The following NFIA variants were observed in gnomAD, a reference collection of about 807,000 sequenced individuals.
NFIA encodes the protein nuclear factor I A.
In NFIA, 8 loss-of-function variants were observed where a neutral mutation model predicts 62.8. The observed-to-expected ratio is 0.13, with a 90% CI of 0.07 to 0.23. NFIA has a LOEUF of 0.23. Among genes scored for constraint, NFIA ranks in the 10% least tolerant of loss-of-function variants. The pLI is 1.00. For missense variants in NFIA, 410 were observed against 642.1 expected, an observed-to-expected ratio of 0.64 and a Z score of 3.91; for synonymous variants, 235 against 238.1, an observed-to-expected ratio of 0.99 and a Z score of 0.12.
chr1:61,188,882 C>T (rs1354305525), intron 2 of NFIA, among the ~76,000 whole-genome samples: 2 of 152,120 alleles, frequency 1.3e-5, no homozygotes, highest in African/African-American at 2.4e-5. Flanking sequence ...TGTCCGATTC[C>T]ATCTGGGTCA....
intron 10 of NFIA, among the ~76,000 whole-genome samples, chr1:61,438,218 G>A (rs1165456127): frequency 6.6e-6 from 1 of 152,162 alleles, no homozygotes; most frequent in Admixed American, 6.5e-5. Flanking sequence ...CTGACCCTCA[G>A]ATGTCACATC....
chr1:61,319,348 A>G (rs1025917521), intron 3 of NFIA, among the ~76,000 whole-genome samples: 12 of 152,204 alleles, frequency 7.9e-5, no homozygotes, highest in African/African-American at 2.9e-4. Flanking sequence ...GGAATCTTCC[A>G]TTACATCTCA....
intron 3 of NFIA, among the ~76,000 whole-genome samples, chr1:61,329,804 A>G (rs1004107347): frequency 6.6e-6 from 1 of 152,158 alleles, no homozygotes; most frequent in African/African-American, 2.4e-5. Context: ...AACTCATCAG[A>G]TTTGCATATC....
intron 10 of NFIA, among the ~76,000 whole-genome samples, chr1:61,443,248 C>G (rs990656342): frequency 6.6e-6 from 1 of 152,126 alleles, no homozygotes; most frequent in African/African-American, 2.4e-5. Context: ...CCCCTTCCCC[C>G]ACCCCAACAA....
In NFIA at chr1:61,456,671, T is replaced by C. The variant is rs1668314587; in HGVS notation, c.*1351T>C. 7.0e-6 allele frequency: 1 copy of C among 142,830 alleles called. No individual in the cohort carries two copies. Among genetic ancestry groups the C allele is most frequent in the African/African-American group, 2.7e-5 (1 of 37,726 alleles). 8.8% of individuals were successfully genotyped at this position (142,830 alleles called of 1,614,324 possible). On this transcript the variant is annotated 3_prime_UTR_variant, in exon 11 of 11. Coordinates refer to ENST00000403491, the MANE Select transcript of NFIA (RefSeq NM_001134673.4). ...ACTGGGCTATGGGAAATAATAATAGTAATAATAATAATAATAATAATGATG... is the reference window on the plus strand; with the variant it reads ...ACTGGGCTATGGGAAATAATAATAGCAATAATAATAATAATAATAATGATG...
At chr1:61,090,375 T>C (rs931245605) in intron 2 of NFIA, among the ~76,000 whole-genome samples, 1 of 152,236 alleles carries the variant, frequency 6.6e-6, no homozygotes, top group African/African-American at 2.4e-5. Context: ...ATGCAGATCA[T>C]GATGTGTGCT....
intron 2 of NFIA, among the ~76,000 whole-genome samples, chr1:61,193,245 G>A (rs1198622291): frequency 6.6e-6 from 1 of 152,236 alleles, no homozygotes; most frequent in Non-Finnish European, 1.5e-5. Context: ...ATTCAGAATA[G>A]TTGAGTATAA....
intron 2 of NFIA, among the ~76,000 whole-genome samples, chr1:61,138,406 C>G (rs1225838881): frequency 6.6e-6 from 1 of 152,064 alleles, no homozygotes; most frequent in Non-Finnish European, 1.5e-5. Context: ...AAGTTATTTT[C>G]AAAATACAGT....
At position 61,417,697 on chromosome 1, in the gene NFIA, C is replaced by T. The variant is rs541222387; in HGVS notation, c.1421-8768C>T. Among the ~76,000 whole-genome samples the T allele has an allele frequency of 5.3e-5, 8 of 152,146 alleles. No homozygotes were observed. The South Asian group carries it at 1.2e-3, about 24-fold the overall frequency. The stretch of plus-strand genomic sequence containing the variant: ...GTTATCTTTTTTAATTGTTGGAAGG[C>T]AAATGTGTTGGGGATATAATGTCCC... On this transcript the variant is annotated intron_variant, in intron 9 of 10. Coordinates refer to ENST00000403491, the MANE Select transcript of NFIA (RefSeq NM_001134673.4).
chr1:61,175,126 TTGATTATTATTA>T (rs954434335), intron 2 of NFIA, among the ~76,000 whole-genome samples: 14 of 40,920 alleles, frequency 3.4e-4, no homozygotes, highest in African/African-American at 1.7e-3. Flanking sequence ...CTTTTCTGTA[TTGATTATTATTA>T]TTATTATTAT....
chr1:61,216,572 T>A (rs1022448632), intron 2 of NFIA, among the ~76,000 whole-genome samples: 11 of 152,212 alleles, frequency 7.2e-5, no homozygotes, highest in African/African-American at 2.7e-4. Context: ...CAAAACATGA[T>A]TGATTGCTCA....
intron 4 of NFIA, among the ~76,000 whole-genome samples, chr1:61,348,789 GCT>G (rs1396178572): frequency 6.6e-6 from 1 of 152,158 alleles, no homozygotes; most frequent in African/African-American, 2.4e-5. Context: ...TTCACACTTT[GCT>G]CTGTGTTCCT....
chr1:61,408,827 G>A (rs1028756671), intron 9 of NFIA, among the ~76,000 whole-genome samples: 3 of 152,202 alleles, frequency 2.0e-5, no homozygotes, highest in African/African-American at 7.2e-5. Flanking sequence ...TACCTGGCAT[G>A]TTTGTTGTGA....
intron 2 of NFIA, among the ~76,000 whole-genome samples, chr1:61,155,675 A>G (rs334697): frequency 0.92 from 125,385 of 137,016 alleles, 57,572 homozygotes; most frequent in East Asian, 0.94. Context: ...GCGAGACTCC[A>G]TCTCAAAAAA....
chr1:61,208,895 G>A (rs1468520281), intron 2 of NFIA, among the ~76,000 whole-genome samples: 1 of 152,192 alleles, frequency 6.6e-6, no homozygotes, highest in Non-Finnish European at 1.5e-5. Context: ...TGATTAAGTA[G>A]TGGGCAGTCA....
At chr1:61,173,878 G>A (rs889571907) in intron 2 of NFIA, among the ~76,000 whole-genome samples, 1 of 152,192 alleles carries the variant, frequency 6.6e-6, no homozygotes, top group Non-Finnish European at 1.5e-5. Flanking sequence ...CAGCTGGGGT[G>A]AGGGTGGTAC....
intron 3 of NFIA, among the ~76,000 whole-genome samples, chr1:61,301,495 T>G (rs1345520479): frequency 6.6e-6 from 1 of 152,200 alleles, no homozygotes; most frequent in African/African-American, 2.4e-5. Context: ...AGAACTGATA[T>G]TTTCTTAAGG....
At position 61,406,558 on chromosome 1, in the gene NFIA, A is replaced by AC. The variant is rs1665842335; in HGVS notation, c.1255-3dup. ...TGTGTTTTCTGCCCCCCCCCCCCCC[A>AC]CAGCCCAATGGGAGCAGCCAAGGCA... On this transcript the variant is annotated splice_polypyrimidine_tract_variant and splice_region_variant and intron_variant, in intron 8 of 10. Coordinates refer to ENST00000403491, the MANE Select transcript of NFIA (RefSeq NM_001134673.4). 2 of 386,394 alleles carry AC rather than the reference A, an allele frequency of 5.2e-6. No homozygotes were observed. Among genetic ancestry groups the AC allele is most frequent in the Admixed American group, 8.3e-5 (1 of 12,076 alleles). 23.9% of individuals were successfully genotyped at this position (386,394 alleles called of 1,614,324 possible).
intron 10 of NFIA, among the ~76,000 whole-genome samples, chr1:61,454,715 G>A (rs1341283602): frequency 3.3e-5 from 5 of 152,168 alleles, no homozygotes; most frequent in African/African-American, 1.2e-4. Context: ...GGAAGACTGG[G>A]TCCAGCACTT....
Sources: allele counts gnomAD v4.1 joint callset (sites outside exome capture counted in the v4.1 genomes callset), GRCh38; gene constraint gnomAD v4.1.1; transcripts MANE v1.5; gene names NCBI Gene and HGNC (gene_info 2026-07-23, HGNC 2026-07-21).